The following SUMF1 variants were observed in gnomAD, a reference collection of about 807,000 sequenced individuals.
The protein encoded by SUMF1 is sulfatase modifying factor 1.
Under a neutral mutation model 47.6 loss-of-function variants are expected in SUMF1, and 48 were observed. The ratio of observed to expected loss-of-function variants is 1.01; its 90% CI spans 0.80 to 1.28. The LOEUF is 1.28. SUMF1 is among the 50% of genes most tolerant of loss of function. The pLI, the probability that SUMF1 is intolerant of heterozygous loss-of-function variation, is 0.00. For synonymous variants in SUMF1, 230 were observed against 192.1 expected (o/e 1.20, Z -1.63); for missense variants, 571 against 485.4 (o/e 1.18, Z -1.66).
At chr3:4,265,690 T>G (rs1697178649) in intron 8 of SUMF1, among the ~76,000 whole-genome samples, 1 of 152,208 alleles carries the variant, frequency 6.6e-6, no homozygotes, top group Non-Finnish European at 1.5e-5. Flanking sequence ...GCCTGTTCAC[T>G]CTGATGGTAG....
chr3:4,130,248 T>A (rs1480150843), intron 8 of SUMF1, among the ~76,000 whole-genome samples: 1 of 152,188 alleles, frequency 6.6e-6, no homozygotes, highest in African/African-American at 2.4e-5. Context: ...TGTGATTTCA[T>A]TGCTTGAGCA....
chr3:4,340,105 G>GCACACACA (rs143927076), intron 8 of SUMF1, among the ~76,000 whole-genome samples: 14 of 150,680 alleles, frequency 9.3e-5, no homozygotes, highest in East Asian at 2.0e-4. Flanking sequence ...GCACCAATGT[G>GCACACACA]CACACACACA....
chr3:4,192,880 G>A lies in SUMF1; in HGVS notation c.1015-124135C>T, dbSNP rs189597926. On this transcript the variant is annotated intron_variant and NMD_transcript_variant, in intron 8 of 12. Transcript: ENST00000448413. ...CTTCATGGTTGGTGGATAGATCAACGTGTCAAGAGGATGATGGGCCCTGCT... is the reference window on the plus strand; with the variant it reads ...CTTCATGGTTGGTGGATAGATCAACATGTCAAGAGGATGATGGGCCCTGCT... 7.9e-5 allele frequency among the ~76,000 whole-genome samples: 12 copies of A among 152,240 alleles called. No individual in the cohort carries two copies. In the East Asian group the frequency reaches 1.7e-3, roughly 22 times the overall value.
chr3:4,409,494 G>C (rs1315840709), intron 7 of SUMF1, among the ~76,000 whole-genome samples: 6 of 152,284 alleles, frequency 3.9e-5, no homozygotes, highest in African/African-American at 1.4e-4. Flanking sequence ...CAGATGGTCA[G>C]ATAGATACAT....
At chr3:4,368,346 G>A (rs1302340427) in intron 8 of SUMF1, among the ~76,000 whole-genome samples, 1 of 152,238 alleles carries the variant, frequency 6.6e-6, no homozygotes, top group African/African-American at 2.4e-5. Flanking sequence ...AACAGGTGCT[G>A]GAGAGGATGT....
chr3:4,090,054 G>C (rs551385459), intron 8 of SUMF1, among the ~76,000 whole-genome samples: 1 of 152,114 alleles, frequency 6.6e-6, no homozygotes, highest in African/African-American at 2.4e-5. Flanking sequence ...GACCACATAT[G>C]ATTTTGTTGA....
At chr3:4,287,226 G>C (rs1186353804) in intron 8 of SUMF1, among the ~76,000 whole-genome samples, 1 of 151,998 alleles carries the variant, frequency 6.6e-6, no homozygotes, top group Non-Finnish European at 1.5e-5. Flanking sequence ...CTCAACTATT[G>C]TTAAGAATAT....
rs903121996 is a variant in SUMF1 at position 4,036,861 on chromosome 3, A to T, written c.1191+31708T>A. ...GAGGTCAGTGAGGCAAAAAAAAAAA[A>T]AAAAAAAAAAAAGAGACCATGGTGA... On this transcript the variant is annotated intron_variant and NMD_transcript_variant, in intron 9 of 12. Coordinates refer to the SUMF1 transcript ENST00000448413. Among the ~76,000 whole-genome samples, 143 of 149,760 alleles carry T rather than the reference A, an allele frequency of 9.5e-4. 4 individuals are homozygous for T. The East Asian group carries it at 0.023, about 24-fold the overall frequency.
chr3:4,106,988 C>T (rs7623869), intron 8 of SUMF1, among the ~76,000 whole-genome samples: 22,856 of 151,926 alleles, frequency 0.15, 3,691 homozygotes, highest in African/African-American at 0.39. Context: ...TTCTCCAACC[C>T]GTTCAGAAAG....
intron 8 of SUMF1, among the ~76,000 whole-genome samples, chr3:4,077,977 A>G (rs1692476162): frequency 6.6e-6 from 1 of 152,078 alleles, no homozygotes; most frequent in Non-Finnish European, 1.5e-5. Context: ...AGTCCTTTTC[A>G]TGGCATTTTT....
At chr3:4,069,984 C>A (rs1695480725) in intron 8 of SUMF1, among the ~76,000 whole-genome samples, 1 of 152,114 alleles carries the variant, frequency 6.6e-6, no homozygotes, top group African/African-American at 2.4e-5. Context: ...AAACATACAA[C>A]CTGCTCTCTC....
At position 4,240,431 on chromosome 3, in the gene SUMF1, T is replaced by A. The variant is rs550450286; in HGVS notation, c.1014+135899A>T. Among the ~76,000 whole-genome samples, 11 of 152,160 alleles carry A rather than the reference T, an allele frequency of 7.2e-5. No individual in the cohort carries two copies. In the South Asian group the frequency reaches 2.3e-3, roughly 32 times the overall value. On this transcript the variant is annotated intron_variant and NMD_transcript_variant, in intron 8 of 12. Coordinates refer to the SUMF1 transcript ENST00000448413. ...TTATAGCCTATATTTTAGTTAAAGT[T>A]TGTGATGGTAATAAAGAGCTTTTAA...
chr3:4,274,297 A>C (rs553972485), intron 8 of SUMF1, among the ~76,000 whole-genome samples: 35 of 152,108 alleles, frequency 2.3e-4, no homozygotes, highest in Admixed American at 6.5e-4. Flanking sequence ...ACCCAATTTC[A>C]CCAAGAAACT....
intron 8 of SUMF1, among the ~76,000 whole-genome samples, chr3:4,276,298 A>G (rs1697415463): frequency 6.6e-6 from 1 of 152,224 alleles, no homozygotes; most frequent in Non-Finnish European, 1.5e-5. Flanking sequence ...ATGCATGTTG[A>G]TTTAAATGAA....
rs1388006274 is a variant in SUMF1 at position 4,182,920 on chromosome 3, A to G, written c.1015-114175T>C. Among the ~76,000 whole-genome samples, 5 of 150,856 alleles carry G rather than the reference A, an allele frequency of 3.3e-5. 1 individual carries two copies. Among genetic ancestry groups the G allele is most frequent in the Non-Finnish European group, 7.4e-5 (5 of 67,586 alleles). ...TGGACACTCAGCTCAGGTCATGGGTATCCTTCCATTATTCCTCAGACAGAA... is the reference window on the plus strand; with the variant it reads ...TGGACACTCAGCTCAGGTCATGGGTGTCCTTCCATTATTCCTCAGACAGAA... On this transcript the variant is annotated intron_variant and NMD_transcript_variant, in intron 8 of 12. Transcript: ENST00000448413.
intron 7 of SUMF1, among the ~76,000 whole-genome samples, chr3:4,389,633 G>T (rs1393917125): frequency 6.6e-6 from 1 of 152,074 alleles, no homozygotes; most frequent in African/African-American, 2.4e-5. Flanking sequence ...GATCCTTGTG[G>T]CTCTCAACAT....
chr3:4,316,677 G>C, intron 8 of SUMF1: 2 of 1,551,162 alleles, frequency 1.3e-6, no homozygotes, highest in Non-Finnish European at 1.7e-6. Flanking sequence ...TGTGACGTGT[G>C]ATGAAAAGTG....
chr3:4,267,633 A>C (rs1697223429), intron 8 of SUMF1, among the ~76,000 whole-genome samples: 1 of 152,026 alleles, frequency 6.6e-6, no homozygotes, highest in Non-Finnish European at 1.5e-5. Context: ...ACACATGAAA[A>C]AATGCTCACC....
chr3:4,273,442 T>C (rs1041721935), intron 8 of SUMF1, among the ~76,000 whole-genome samples: 5 of 152,062 alleles, frequency 3.3e-5, no homozygotes, highest in Admixed American at 6.6e-5. Context: ...TGATTCCATT[T>C]ATATGAAATG....
Sources: allele counts gnomAD v4.1 joint callset (sites outside exome capture counted in the v4.1 genomes callset), GRCh38; gene constraint gnomAD v4.1.1; transcripts MANE v1.5; gene names NCBI Gene and HGNC (gene_info 2026-07-23, HGNC 2026-07-21).